Variants in PDCD4 observed in about 807,000 individuals in gnomAD.
PDCD4 encodes programmed cell death protein 4.
PDCD4 carries 56 observed loss-of-function variants against 54.0 expected under a neutral mutation model. The ratio of observed to expected loss-of-function variants is 1.04; its 90% CI spans 0.84 to 1.30. The LOEUF (loss-of-function observed/expected upper bound fraction) is 1.30. Among genes scored for constraint, PDCD4 ranks in the 50% most tolerant of loss-of-function variants. PDCD4 has a pLI of 0.00. For missense variants in PDCD4, 584 were observed against 559.8 expected (o/e 1.04, Z -0.44); for synonymous variants, 186 against 194.8 (o/e 0.95, Z 0.37).
chr10:110,890,468 C>A, intron 7 of PDCD4, 88 bp from the exon 8 acceptor site: 2 of 557,690 alleles, frequency 3.6e-6, no homozygotes, highest in South Asian at 7.7e-5. Context: ...AGATTTAGGG[C>A]ATATAGGATT....
At chr10:110,889,295 A>G (rs1845719744) in intron 6 of PDCD4, among the ~76,000 whole-genome samples, 1 of 151,434 alleles carries the variant, frequency 6.6e-6, no homozygotes, top group Admixed American at 6.6e-5. Flanking sequence ...TTAGGGATTC[A>G]TTAGTGAGCA....
chr10:110,881,038 C>T (rs1845582256), intron 2 of PDCD4, among the ~76,000 whole-genome samples, 195 bp from the exon 3 acceptor site: 1 of 152,036 alleles, frequency 6.6e-6, no homozygotes, highest in African/African-American at 2.4e-5. Flanking sequence ...GGTTTACTTT[C>T]CTTGATAATG....
rs1259332201 is a variant in PDCD4, at chr10:110,874,411, A to G, written c.-62-1555A>G. Among the ~76,000 whole-genome samples the G allele has an allele frequency of 2.0e-5, 3 of 152,220 alleles. No individual in the cohort carries two copies. In the East Asian group the frequency reaches 5.8e-4, roughly 29 times the overall value. The stretch of plus-strand genomic sequence containing the variant: ...ATTATTCCTTTCCTATATGTATTTC[A>G]TGCATGGAATTAAAACAGAATGTAG... On this transcript the variant is annotated intron_variant, in intron 1 of 11. Transcript: ENST00000280154.
chr10:110,898,635 G>A lies in PDCD4; in HGVS notation c.*547G>A, dbSNP rs1231152880. On this transcript the variant is annotated 3_prime_UTR_variant, in exon 12 of 12. Coordinates refer to ENST00000280154, the MANE Select transcript of PDCD4 (RefSeq NM_014456.5). Reference sequence around the variant, plus strand: ...CATACTGATTGGTCTTAAAAGACTAGACAGTTAAGTAAAAGGTGGCTGGAA... The same window carrying A: ...CATACTGATTGGTCTTAAAAGACTAAACAGTTAAGTAAAAGGTGGCTGGAA... 1 of 152,580 alleles carries A rather than the reference G, an allele frequency of 6.6e-6. No individual in the cohort carries two copies. Among genetic ancestry groups the A allele is most frequent in the African/African-American group, 2.4e-5 (1 of 41,444 alleles). The allele number at this position is 152,580 out of a possible 1,614,324, so 9.5% of individuals were successfully genotyped here.
At chr10:110,893,929 T>C (rs931587095) in intron 8 of PDCD4, among the ~76,000 whole-genome samples, 162 bp from the exon 9 acceptor site, 4 of 152,156 alleles carry the variant, frequency 2.6e-5, no homozygotes, top group African/African-American at 9.6e-5. Flanking sequence ...TTTTTAATTA[T>C]GAAAAATTCT....
intron 1 of PDCD4, among the ~76,000 whole-genome samples, chr10:110,875,554 T>A (rs1463395388): frequency 1.3e-5 from 2 of 152,192 alleles, no homozygotes; most frequent in Admixed American, 6.5e-5. Context: ...TTGGAGTAGT[T>A]CTCATAATTC....
At chr10:110,890,784 G>C (rs539192203) in intron 8 of PDCD4, 114 bp downstream of exon 8, 1 of 483,030 alleles carries the variant, frequency 2.1e-6, no homozygotes, top group African/African-American at 2.0e-5. Context: ...TCTTACAGCT[G>C]CAATTGGAAA....
Position 110,887,842 on chromosome 10 carries a change from A to G in PDCD4, c.733A>G (p.Lys245Glu), listed in dbSNP as rs752537911. 1.2e-6 allele frequency: 2 copies of G among 1,613,620 alleles called. No individual in the cohort carries two copies. The highest frequency in any genetic ancestry group is 2.2e-5 in the South Asian group (2 of 91,066). ...GGAAAAATCATTTGATAAATTGTTGAAAGATCTACCTGAATTAGCACTGGA... is the reference window on the plus strand; with the variant it reads ...GGAAAAATCATTTGATAAATTGTTGGAAGATCTACCTGAATTAGCACTGGA... ...DVEKSFDKLL[K>E]DLPELALDTP... Residue 245 changes from lysine (K) to glutamate (E), a missense_variant, in exon 6 of 12, where the codon AAA becomes GAA. Lys to Glu is a moderately conservative substitution (Grantham distance 56). Coordinates refer to ENST00000280154, the MANE Select transcript of PDCD4 (RefSeq NM_014456.5).
At chr10:110,888,020 G>A (rs1044176923) in intron 6 of PDCD4, 134 bp downstream of exon 6, 19 of 575,678 alleles carry the variant, frequency 3.3e-5, no homozygotes, top group Admixed American at 1.3e-4. Flanking sequence ...GAAATATTCC[G>A]CTAGCATTTT....
In PDCD4 at chr10:110,875,960, A is replaced by G; in HGVS notation, c.-62-6A>G. The G allele has an allele frequency of 7.7e-7, 1 of 1,292,538 alleles. No individual in the cohort carries two copies. The highest frequency in any genetic ancestry group is 1.1e-6 in the Non-Finnish European group (1 of 923,586). 80.1% of individuals were successfully genotyped at this position (1,292,538 alleles called of 1,614,324 possible). On this transcript the variant is annotated splice_polypyrimidine_tract_variant and splice_region_variant and intron_variant, in intron 1 of 11. Coordinates refer to ENST00000280154, the MANE Select transcript of PDCD4 (RefSeq NM_014456.5). ...GAAGCTTTCTTTTTTTCTTTTAAAA[A>G]AACAGATTCTGAAGGAAGATTTCCA...
chr10:110,880,030 G>A (rs556986791), intron 2 of PDCD4, among the ~76,000 whole-genome samples: 6 of 152,270 alleles, frequency 3.9e-5, no homozygotes, highest in South Asian at 2.1e-4. Context: ...TCTGATTTGC[G>A]TTAACAATAA....
chr10:110,881,758 G>C (rs1043242935), intron 3 of PDCD4, among the ~76,000 whole-genome samples: 12 of 152,054 alleles, frequency 7.9e-5, no homozygotes, highest in African/African-American at 2.9e-4. Flanking sequence ...TAATTTTCTT[G>C]AGCAGAATGT....
Position 110,881,483 on chromosome 10 carries a change from G to C in PDCD4, c.294G>C (p.Arg98Ser). 1 of 1,614,028 alleles carries C rather than the reference G, an allele frequency of 6.2e-7. No homozygotes were observed. Among genetic ancestry groups the C allele is most frequent in the Non-Finnish European group, 8.5e-7 (1 of 1,179,900 alleles). The stretch of plus-strand genomic sequence containing the variant: ...CTGTGCCAACCAGTCCAAAGGGAAG[G>C]TTGCTGGATAGGCGATCCAGATCTG... ...GLTVPTSPKG[R>S]LLDRRSRSGK... is the part of the protein sequence containing the mutation. The change falls in exon 3 of 12, where the codon AGG (arginine) becomes AGC (serine). Residue 98 changes from arginine to serine, a missense_variant. Coordinates refer to ENST00000280154, the MANE Select transcript of PDCD4 (RefSeq NM_014456.5).
Position 110,899,579 on chromosome 10 carries a change from C to G in PDCD4, c.*1491C>G, listed in dbSNP as rs774549387. ...TTGGGAGGCCGAGGTGGGCGGATCA[C>G]TTGAGGTTGGGAGTTCATGACCAGC... On this transcript the variant is annotated 3_prime_UTR_variant, in exon 12 of 12. Transcript: ENST00000280154. 1.3e-5 allele frequency: 2 copies of G among 152,252 alleles called. No individual in the cohort carries two copies. Among genetic ancestry groups the G allele is most frequent in the African/African-American group, 4.8e-5 (2 of 41,434 alleles). 9.4% of individuals were successfully genotyped at this position (152,252 alleles called of 1,614,324 possible). A position where few individuals can be genotyped will look rare whatever the true frequency, so the allele number is the denominator to read the frequency against.
In PDCD4 at chr10:110,882,994, C is replaced by T. The variant is rs1389416109; in HGVS notation, c.347-9C>T. 1 of 1,566,816 alleles carries T rather than the reference C, an allele frequency of 6.4e-7. No individual in the cohort carries two copies. The highest frequency in any genetic ancestry group is 8.7e-7 in the Non-Finnish European group (1 of 1,144,728). ...GTGTTTTTTCTTTCTCAATGCTAAACTTTTTCAGGTGGTGCAGGAGGCAAA... is the reference window on the plus strand; with the variant it reads ...GTGTTTTTTCTTTCTCAATGCTAAATTTTTTCAGGTGGTGCAGGAGGCAAA... On this transcript the variant is annotated splice_polypyrimidine_tract_variant and intron_variant, in intron 3 of 11. Transcript: ENST00000280154.
At chr10:110,897,947 A>G (rs1845869964) in intron 11 of PDCD4, 81 bp from the exon 12 acceptor site, 1 of 978,606 alleles carries the variant, frequency 1.0e-6, no homozygotes, top group Non-Finnish European at 1.5e-6. Context: ...ACGAAAAAAT[A>G]CCAAGTTTTT....
chr10:110,880,168 G>T (rs1394412219), intron 2 of PDCD4, among the ~76,000 whole-genome samples: 1 of 152,238 alleles, frequency 6.6e-6, no homozygotes, highest in Non-Finnish European at 1.5e-5. Context: ...TCTGCTAGGT[G>T]ATGGGGATAC....
rs192568459 is a variant in PDCD4, at chr10:110,880,133, C to T, written c.44-1100C>T. 1.4e-4 allele frequency among the ~76,000 whole-genome samples: 22 copies of T among 152,274 alleles called. 1 individual carries two copies. The East Asian group carries it at 3.9e-3, about 27-fold the overall frequency. ...AAGCCAAGTGCCTCCACTTGATCTC[C>T]ATGGAATTTGAGTATGAAGGACACT... On this transcript the variant is annotated intron_variant, in intron 2 of 11. Coordinates refer to ENST00000280154, the MANE Select transcript of PDCD4 (RefSeq NM_014456.5).
At chr10:110,874,588 TATTA>T (rs1371150106) in intron 1 of PDCD4, among the ~76,000 whole-genome samples, 4 of 152,148 alleles carry the variant, frequency 2.6e-5, no homozygotes, top group Admixed American at 1.3e-4. Flanking sequence ...GATTCACATA[TATTA>T]ATTTATTCTT....
Sources: allele counts gnomAD v4.1 joint callset (sites outside exome capture counted in the v4.1 genomes callset), GRCh38; gene constraint gnomAD v4.1.1; transcripts MANE v1.5; gene names NCBI Gene and HGNC (gene_info 2026-07-23, HGNC 2026-07-21).